ESPL1: variants seen among roughly 807,000 people sequenced by gnomAD.
ESPL1 encodes the protein extra spindle pole bodies like 1, separase.
ESPL1 carries 50 observed loss-of-function variants against 217.2 expected under a neutral mutation model. The ratio of observed to expected loss-of-function variants is 0.23; its 90% CI spans 0.18 to 0.29. ESPL1 has a LOEUF of 0.29. Ranked by LOEUF, ESPL1 falls within the 10% of genes least tolerant of loss-of-function variation. The pLI is 1.00. For missense variants in ESPL1, 1,834 were observed against 2,603.0 expected, an observed-to-expected ratio of 0.70 and a Z score of 6.43; for synonymous variants, 994 against 1,081.3, an observed-to-expected ratio of 0.92 and a Z score of 1.58.
At chr12:53,279,631 A>G in intron 11 of ESPL1, 101 bp from the exon 12 acceptor site, 1 of 1,448,824 alleles carries the variant, frequency 6.9e-7, no homozygotes, top group Admixed American at 1.9e-5. Flanking sequence ...CCAGGCCCTG[A>G]GGTCAAACTA....
chr12:53,270,339 T>TC (rs772686068), intron 3 of ESPL1, 39 bp from the exon 4 acceptor site: 13 of 1,423,174 alleles, frequency 9.1e-6, no homozygotes, highest in Middle Eastern at 3.5e-4. Context: ...GCCCTCTTTA[T>TC]CTCTACTCCT....
rs1351912757 is a variant in ESPL1, at chr12:53,284,040, C to T, written c.3078-18C>T. 1.3e-6 allele frequency: 2 copies of T among 1,562,370 alleles called. No individual in the cohort carries two copies. Among genetic ancestry groups the T allele is most frequent in the South Asian group, 1.1e-5 (1 of 90,018 alleles). ...CAAAGGATTCCTCTGATTGGTTCTCCTCTCCTCTCTCAACAAGGTGTGCCC... is the reference window on the plus strand; with the variant it reads ...CAAAGGATTCCTCTGATTGGTTCTCTTCTCCTCTCTCAACAAGGTGTGCCC... On this transcript the variant is annotated intron_variant, in intron 16 of 30. Coordinates refer to ENST00000257934, the MANE Select transcript of ESPL1 (RefSeq NM_012291.5).
At chr12:53,290,011 G>A in intron 22 of ESPL1, 74 bp from the exon 23 acceptor site, 2 of 1,542,654 alleles carry the variant, frequency 1.3e-6, no homozygotes, top group Non-Finnish European at 1.8e-6. Context: ...GTGATGGATA[G>A]GAATTGAGTG....
At chr12:53,290,254 G>A (rs374121951) in intron 23 of ESPL1, 42 bp downstream of exon 23, 1 of 1,612,012 alleles carries the variant, frequency 6.2e-7, no homozygotes, top group African/African-American at 1.3e-5. Context: ...GCTGGATTGG[G>A]CTTCGGGTCA....
Position 53,276,667 on chromosome 12 carries a change from T to A in ESPL1, c.1748T>A (p.Leu583His), listed in dbSNP as rs200043098. Residue 583 changes from leucine to histidine, a missense_variant, in exon 8 of 31, where the codon CTC (leucine) becomes CAC (histidine). Leu to His is a moderately conservative substitution (Grantham distance 99). Around this residue, in one of 5 missense-constraint regions of ESPL1, gnomAD observed 746 missense variants for 1,077.0 expected, o/e 0.69. Transcript: ENST00000257934. ...LSGWDPETLA[L>H]LLREELQAYK... ...GGCTGGGACCCGGAGACCCTGGCCC[T>A]CCTGCTGAGGGAGGAGCTGCAGGCC... 55 of 1,613,036 alleles carry A rather than the reference T, an allele frequency of 3.4e-5. No individual in the cohort carries two copies. The highest frequency in any genetic ancestry group is 4.5e-5 in the Non-Finnish European group (53 of 1,179,964).
At position 53,288,603 on chromosome 12, in the gene ESPL1, T is replaced by C; in HGVS notation, c.4612T>C (p.Ser1538Pro). ...SGEWELLRLD[S>P]SKKKLPSPCP... The stretch of plus-strand genomic sequence containing the variant: ...AGAATGGGAGCTGCTGAGGCTGGAT[T>C]CCAGCAAGAAGAAGCTGCCCAGCCC... Residue 1538 changes from serine to proline, a missense_variant, in exon 20 of 31, where the codon TCC becomes CCC. By Grantham distance (74) the Ser-to-Pro change is moderately conservative (BLOSUM62 -1). This residue lies in a region of ESPL1 where 681 missense variants were observed against 808.0 expected (regional missense o/e 0.84). Transcript: ENST00000257934. 6.2e-7 allele frequency: 1 copy of C among 1,613,844 alleles called. No homozygotes were observed. Among genetic ancestry groups the C allele is most frequent in the Non-Finnish European group, 8.5e-7 (1 of 1,180,006 alleles).
chr12:53,278,036 C>A, intron 11 of ESPL1, 76 bp downstream of exon 11: 1 of 1,454,238 alleles, frequency 6.9e-7, no homozygotes, highest in Non-Finnish European at 9.4e-7. Context: ...CCTTCTTTGG[C>A]CTGTGATCCT....
At chr12:53,277,300 G>A (rs1015780689) in intron 9 of ESPL1, 73 bp downstream of exon 9, 17 of 1,535,680 alleles carry the variant, frequency 1.1e-5, no homozygotes, top group Non-Finnish European at 1.4e-5. Context: ...CAACAAGTTG[G>A]TATCAGCCCT....
intron 1 of ESPL1, 59 bp downstream of exon 1, chr12:53,268,436 C>A (rs1943606692): frequency 6.5e-6 from 2 of 309,674 alleles, no homozygotes; most frequent in South Asian, 8.0e-5. Flanking sequence ...GGATCCCCAG[C>A]GCTGACGCGA....
chr12:53,272,174 T>A (rs1943688067), intron 5 of ESPL1, among the ~76,000 whole-genome samples: 2 of 152,064 alleles, frequency 1.3e-5, no homozygotes, highest in Non-Finnish European at 2.9e-5. Flanking sequence ...CAAAACAAAG[T>A]TTCCTTCCCT....
In ESPL1 at chr12:53,277,466, C is replaced by T. The variant is rs17125267; in HGVS notation, c.2086-4C>T. The T allele has an allele frequency of 0.02, 31,615 of 1,613,600 alleles. 466 individuals carry two copies. The highest frequency in any genetic ancestry group is 0.053 in the South Asian group (4,846 of 90,998). On this transcript the variant is annotated splice_region_variant and splice_polypyrimidine_tract_variant and intron_variant, in intron 9 of 30. Transcript: ENST00000257934. ...CTGTTTTATACCCCGATCTTCCCAT[C>T]CAGGGTATCGAGCGGGATCGGAGAG... is the stretch of plus-strand genomic sequence containing the variant.
chr12:53,278,308 C>G (rs1441496986), intron 11 of ESPL1, among the ~76,000 whole-genome samples: 1 of 151,868 alleles, frequency 6.6e-6, no homozygotes. Flanking sequence ...AACCCCGTCT[C>G]TACAAGAAAT....
At chr12:53,278,457 C>T (rs868093775) in intron 11 of ESPL1, among the ~76,000 whole-genome samples, 27 of 140,308 alleles carry the variant, frequency 1.9e-4, no homozygotes, top group African/African-American at 6.9e-4. Context: ...TCCTGGGGGA[C>T]AGAGCAAGAT....
At chr12:53,291,583 T>G (rs927780872) in intron 25 of ESPL1, 107 bp from the exon 26 acceptor site, 2 of 1,257,314 alleles carry the variant, frequency 1.6e-6, no homozygotes, top group Admixed American at 2.1e-5. Context: ...AGAGCAAGAC[T>G]CTGTCAAAAA....
At chr12:53,270,245 G>A in intron 3 of ESPL1, 133 bp from the exon 4 acceptor site, 1 of 928,328 alleles carries the variant, frequency 1.1e-6, no homozygotes, top group South Asian at 1.4e-5. Flanking sequence ...ATCCTGAGAG[G>A]GCAGTGGCCC....
rs777384240 is a variant in ESPL1 at position 53,277,099 on chromosome 12, A to G, written c.1957A>G (p.Ile653Val). The change falls in exon 9 of 31, where the codon ATC becomes GTC. Residue 653 changes from isoleucine to valine, a missense_variant. This residue lies in a region of ESPL1 where 746 missense variants were observed against 1,077.0 expected (regional missense o/e 0.69). Coordinates refer to ENST00000257934, the MANE Select transcript of ESPL1 (RefSeq NM_012291.5). ...QQTNCSALDAIREALQLLDSV... is the reference protein window; with the variant it reads ...QQTNCSALDAVREALQLLDSV... ...TCCCTGCAGCTCTGCTCTGGATGCT[A>G]TCCGGGAAGCCCTGCAGCTTCTGGA... The G allele has an allele frequency of 1.2e-6, 2 of 1,613,924 alleles. No homozygotes were observed. Among genetic ancestry groups the G allele is most frequent in the South Asian group, 1.1e-5 (1 of 91,078 alleles).
At chr12:53,272,912 G>A (rs1337058587) in intron 6 of ESPL1, 55 bp downstream of exon 6, 2 of 1,595,910 alleles carry the variant, frequency 1.3e-6, no homozygotes, top group South Asian at 1.1e-5. Context: ...GGAGCGGGGG[G>A]AGCGGGGAAG....
At chr12:53,285,349 A>C (rs1421574707) in intron 17 of ESPL1, among the ~76,000 whole-genome samples, 2 of 152,218 alleles carry the variant, frequency 1.3e-5, no homozygotes, top group Non-Finnish European at 2.9e-5. Flanking sequence ...GGCAGGATTC[A>C]GGTGTGGGCC....
At chr12:53,272,126 G>A (rs1943686658) in intron 5 of ESPL1, among the ~76,000 whole-genome samples, 1 of 151,950 alleles carries the variant, frequency 6.6e-6, no homozygotes, top group Non-Finnish European at 1.5e-5. Context: ...CTCACTGTGT[G>A]CAACGCACTA....
Sources: gnomAD v4.1 joint callset for allele counts (sites outside exome capture counted in the v4.1 genomes callset) on GRCh38, gnomAD v4.1.1 for gene constraint, gnomAD v4.1.1 regional missense constraint, MANE v1.5 for transcripts, NCBI Gene and HGNC (gene_info 2026-07-23, HGNC 2026-07-21) for gene names.